GRID2: variants seen among roughly 807,000 people sequenced by gnomAD.
GRID2 encodes the protein glutamate ionotropic receptor delta type subunit 2, also known as glutamate receptor ionotropic, delta-2.
GRID2 carries 33 observed loss-of-function variants against 114.8 expected under a neutral mutation model. The observed-to-expected ratio is 0.29, with a 90% CI of 0.22 to 0.38. The LOEUF is 0.38. Ranked by LOEUF, GRID2 falls within the 10% of genes least tolerant of loss-of-function variation. GRID2 has a pLI of 1.00. For missense variants in GRID2, 1,184 were observed against 1,257.7 expected, an observed-to-expected ratio of 0.94 and a Z score of 0.89; for synonymous variants, 505 against 449.9, an observed-to-expected ratio of 1.12 and a Z score of -1.55.
intron 2 of GRID2, among the ~76,000 whole-genome samples, chr4:92,927,999 T>C (rs1409119803): frequency 6.6e-6 from 1 of 151,694 alleles, no homozygotes; most frequent in Non-Finnish European, 1.5e-5. Flanking sequence ...TTTTACAGCA[T>C]TTCAGATTTG....
chr4:93,449,777 T>C (rs964279330), intron 10 of GRID2, among the ~76,000 whole-genome samples: 1 of 152,072 alleles, frequency 6.6e-6, no homozygotes, highest in Non-Finnish European at 1.5e-5. Flanking sequence ...GTTTCATCAA[T>C]ACTTTACTAG....
intron 8 of GRID2, among the ~76,000 whole-genome samples, chr4:93,330,876 G>T (rs1426338805): frequency 6.6e-6 from 1 of 151,962 alleles, no homozygotes; most frequent in Non-Finnish European, 1.5e-5. Flanking sequence ...TCCAGACAAG[G>T]TAGTGATAGA....
intron 2 of GRID2, among the ~76,000 whole-genome samples, chr4:92,749,755 G>C (rs1737349019): frequency 6.6e-6 from 1 of 152,082 alleles, no homozygotes; most frequent in Admixed American, 6.6e-5. Flanking sequence ...GTTGTTTAAT[G>C]GGTACAAACA....
intron 2 of GRID2, among the ~76,000 whole-genome samples, chr4:92,889,310 A>G (rs937155125): frequency 6.6e-6 from 1 of 152,182 alleles, no homozygotes; most frequent in African/African-American, 2.4e-5. Context: ...TCAAATAGGA[A>G]GAGAGGAAGT....
chr4:93,592,916 C>T lies in GRID2; in HGVS notation c.2194-33353C>T, dbSNP rs1310319004. On this transcript the variant is annotated intron_variant, in intron 13 of 15. Coordinates refer to ENST00000282020, the MANE Select transcript of GRID2 (RefSeq NM_001510.4). ...TTTGTTTTCCATTTGCTTGGTAGAT[C>T]TTCCTCCATCCTTTTATTTTGAGCC... is the stretch of plus-strand genomic sequence containing the variant. Among the ~76,000 whole-genome samples the T allele has an allele frequency of 1.4e-4, 21 of 151,708 alleles. No homozygotes were observed. In the South Asian group the frequency reaches 4.4e-3, roughly 32 times the overall value.
At chr4:92,464,875 C>T (rs1721671823) in intron 1 of GRID2, among the ~76,000 whole-genome samples, 1 of 152,000 alleles carries the variant, frequency 6.6e-6, no homozygotes, top group Non-Finnish European at 1.5e-5. Flanking sequence ...GGGGAAGGAC[C>T]TGGTGGGAGG....
At chr4:92,566,314 C>A (rs6532377) in intron 1 of GRID2, among the ~76,000 whole-genome samples, 61,310 of 151,296 alleles carry the variant, frequency 0.41, 12,544 homozygotes, top group African/African-American at 0.48. Context: ...AAATGATGCC[C>A]CAGAGTCATT....
At position 93,282,974 on chromosome 4, in the gene GRID2, G is replaced by A. The variant is rs1752801247; in HGVS notation, c.1245+44484G>A. Among the ~76,000 whole-genome samples, 4 of 152,096 alleles carry A rather than the reference G, an allele frequency of 2.6e-5. No homozygotes were observed. The South Asian group carries it at 8.3e-4, about 32-fold the overall frequency. ...GAGGAAGAACTCACTCATACTGCAA[G>A]GAGGGCACCAAGCCATTCAGGAAGG... On this transcript the variant is annotated intron_variant, in intron 8 of 15. Coordinates refer to ENST00000282020, the MANE Select transcript of GRID2 (RefSeq NM_001510.4).
intron 2 of GRID2, among the ~76,000 whole-genome samples, chr4:92,942,178 C>T: frequency 6.6e-6 from 1 of 152,132 alleles, no homozygotes; most frequent in Non-Finnish European, 1.5e-5. Flanking sequence ...GTGTTAAAGT[C>T]TCCCATTATT....
chr4:93,000,147 G>A (rs1001473574), intron 2 of GRID2, among the ~76,000 whole-genome samples: 3 of 151,516 alleles, frequency 2.0e-5, no homozygotes, highest in African/African-American at 4.8e-5. Flanking sequence ...AAAAATTCTC[G>A]TACTTAGAAG....
At chr4:93,760,958 G>T (rs1038372475) in intron 14 of GRID2, among the ~76,000 whole-genome samples, 2 of 152,124 alleles carry the variant, frequency 1.3e-5, no homozygotes, top group Non-Finnish European at 2.9e-5. Context: ...AATAAGTGAG[G>T]CAGTCATCTT....
chr4:92,685,050 G>A (rs945205430), intron 2 of GRID2, among the ~76,000 whole-genome samples: 4 of 151,802 alleles, frequency 2.6e-5, no homozygotes, highest in Non-Finnish European at 5.9e-5. Flanking sequence ...ACCATATAAT[G>A]CTTACTTATT....
rs1394665450 is a variant in GRID2, at chr4:93,613,994, G to A, written c.2194-12275G>A. ...GTGGGCGTAGGACCCTCTGAGCCAG[G>A]TGTGGGATATAGTCTCGTGGTGCGC... On this transcript the variant is annotated intron_variant, in intron 13 of 15. Transcript: ENST00000282020. 9.2e-5 allele frequency among the ~76,000 whole-genome samples: 14 copies of A among 152,086 alleles called. No individual in the cohort carries two copies. The East Asian group carries it at 2.7e-3, about 30-fold the overall frequency.
chr4:93,673,379 AAT>A (rs1282881160), intron 14 of GRID2, among the ~76,000 whole-genome samples: 2 of 152,180 alleles, frequency 1.3e-5, no homozygotes, highest in Non-Finnish European at 2.9e-5. Flanking sequence ...CAAAACTTTA[AAT>A]ATCTTCCCAT....
At chr4:92,841,777 T>C (rs1318263189) in intron 2 of GRID2, among the ~76,000 whole-genome samples, 1 of 152,066 alleles carries the variant, frequency 6.6e-6, no homozygotes, top group Non-Finnish European at 1.5e-5. Context: ...AACACATATA[T>C]TTATATTTAT....
chr4:93,331,129 C>G (rs559111922), intron 8 of GRID2, among the ~76,000 whole-genome samples: 2 of 145,384 alleles, frequency 1.4e-5, no homozygotes, highest in East Asian at 2.1e-4. Flanking sequence ...CTATCTAACC[C>G]CCCCCCCATT....
chr4:92,556,809 C>T (rs1445129478), intron 1 of GRID2, among the ~76,000 whole-genome samples: 1 of 152,026 alleles, frequency 6.6e-6, no homozygotes, highest in Non-Finnish European at 1.5e-5. Context: ...TATGAGCAAG[C>T]CCCAGAAGCA....
intron 12 of GRID2, among the ~76,000 whole-genome samples, chr4:93,501,771 A>C (rs1728133204): frequency 6.6e-6 from 1 of 152,096 alleles, no homozygotes. Flanking sequence ...CAAAAACTTT[A>C]CCAATTTTAT....
chr4:92,983,477 C>T, intron 2 of GRID2, among the ~76,000 whole-genome samples: 1 of 152,074 alleles, frequency 6.6e-6, no homozygotes, highest in East Asian at 1.9e-4. Context: ...ATATTCAAAC[C>T]ACAGCAGTAA....
Sources: gnomAD v4.1 joint callset for allele counts (sites outside exome capture counted in the v4.1 genomes callset) on GRCh38, gnomAD v4.1.1 for gene constraint, MANE v1.5 for transcripts, NCBI Gene and HGNC (gene_info 2026-07-23, HGNC 2026-07-21) for gene names.